ZFHX3: variants seen among roughly 807,000 people sequenced by gnomAD.
ZFHX3 encodes zinc finger homeobox 3, also known as zinc finger homeobox protein 3.
A neutral mutation model predicts 279.1 loss-of-function variants in ZFHX3; 42 were observed. The observed-to-expected ratio is 0.15, with a 90% CI of 0.12 to 0.19. The LOEUF is 0.19. ZFHX3 is among the 10% of genes least tolerant of loss of function. The pLI, the probability that ZFHX3 is intolerant of heterozygous loss-of-function variation, is 1.00. For missense variants in ZFHX3, 4,981 were observed against 4,754.0 expected, an observed-to-expected ratio of 1.05 and a Z score of -1.40; for synonymous variants, 2,293 against 1,957.8, an observed-to-expected ratio of 1.17 and a Z score of -4.52.
At chr16:73,711,544 C>A (rs35285696) in intron 1 of ZFHX3, among the ~76,000 whole-genome samples, 5,432 of 152,052 alleles carry the variant, frequency 0.036, 131 homozygotes, top group Non-Finnish European at 0.053. Context: ...GTGACAGAGC[C>A]AAGGGGTCAC....
intron 3 of ZFHX3, among the ~76,000 whole-genome samples, chr16:72,911,882 G>T (rs776167961): frequency 2.0e-5 from 3 of 152,132 alleles, no homozygotes; most frequent in Non-Finnish European, 2.9e-5. Flanking sequence ...GGGGGAGAGG[G>T]ATGCGGGAGA....
rs1370216790 is a variant in ZFHX3, at chr16:73,830,079, T to C, written c.-1608+61572A>G. Among the ~76,000 whole-genome samples, 24 of 128,806 alleles carry C rather than the reference T, an allele frequency of 1.9e-4. No individual in the cohort carries two copies. The East Asian group carries it at 3.5e-3, about 19-fold the overall frequency. 84.5% of individuals were successfully genotyped at this position (128,806 alleles called of 152,430 possible). A position where few individuals can be genotyped will look rare whatever the true frequency, so the allele number is the denominator to read the frequency against. On this transcript the variant is annotated intron_variant, in intron 1 of 17. Transcript: ENST00000641206. ...GAGATTCCGTGGGTGTAGGACCCTCTGAGCCAGGTGTGGGATATAGTCTCG... is the reference window on the plus strand; with the variant it reads ...GAGATTCCGTGGGTGTAGGACCCTCCGAGCCAGGTGTGGGATATAGTCTCG...
chr16:72,801,845 G>T (rs910679177), intron 7 of ZFHX3, among the ~76,000 whole-genome samples: 1 of 151,938 alleles, frequency 6.6e-6, no homozygotes, highest in Non-Finnish European at 1.5e-5. Context: ...TCCGAGAAGT[G>T]AAAGGTCACC....
At chr16:72,961,183 A>G (rs1327503706) in intron 1 of ZFHX3, among the ~76,000 whole-genome samples, 1 of 152,076 alleles carries the variant, frequency 6.6e-6, no homozygotes, top group Non-Finnish European at 1.5e-5. Flanking sequence ...TTTTGCTATC[A>G]AGGATCTGAG....
At chr16:73,255,139 G>T (rs376822536) in intron 5 of ZFHX3, among the ~76,000 whole-genome samples, 8 of 152,208 alleles carry the variant, frequency 5.3e-5, no homozygotes, top group East Asian at 3.8e-4. Flanking sequence ...TTTCCACATT[G>T]GCAGTAATTC....
intron 1 of ZFHX3, among the ~76,000 whole-genome samples, chr16:73,028,842 C>G (rs914103606): frequency 6.6e-6 from 1 of 152,224 alleles, no homozygotes; most frequent in African/African-American, 2.4e-5. Context: ...TAAAGTTCCT[C>G]TGTTGTGAGC....
At chr16:73,872,402 ATTAT>A (rs2029864466) in intron 1 of ZFHX3, among the ~76,000 whole-genome samples, 2 of 150,618 alleles carry the variant, frequency 1.3e-5, no homozygotes, top group East Asian at 2.0e-4. Flanking sequence ...ACTTATTATT[ATTAT>A]TTATTTCTAG....
intron 2 of ZFHX3, among the ~76,000 whole-genome samples, chr16:73,462,522 A>T (rs9931286): frequency 0.56 from 85,470 of 152,064 alleles, 29,529 homozygotes; most frequent in Non-Finnish European, 0.78. Context: ...TCAGTCTTTT[A>T]TCATTAAGTA....
In ZFHX3 at chr16:72,933,858, G is replaced by A. The variant is rs527795284; in HGVS notation, c.3216+16611C>T. ...TTTTGAGACAGAGTCTCGCTCTGTC[G>A]CCCAGGCTGTAGTGCAGTGTCGCGA... is the stretch of plus-strand genomic sequence containing the variant. On this transcript the variant is annotated intron_variant, in intron 3 of 9. Coordinates refer to ENST00000268489, the MANE Select transcript of ZFHX3 (RefSeq NM_006885.4). Among the ~76,000 whole-genome samples the A allele has an allele frequency of 6.4e-3, 832 of 130,888 alleles. 6 individuals carry two copies. Among genetic ancestry groups the A allele is most frequent in the Non-Finnish European group, 7.9e-3 (506 of 63,686 alleles). The allele number at this position is 130,888 out of a possible 152,430, so 85.9% of individuals were successfully genotyped here.
chr16:73,847,157 C>G lies in ZFHX3; in HGVS notation c.-1608+44494G>C, dbSNP rs144542183. 9.5e-3 allele frequency among the ~76,000 whole-genome samples: 1,452 copies of G among 152,180 alleles called. 6 individuals carry two copies. The highest frequency in any genetic ancestry group is 0.027 in the Middle Eastern group (8 of 294). On this transcript the variant is annotated intron_variant, in intron 1 of 17. Transcript: ENST00000641206. ...TCTCTACTAAAAATACAAAATTAGC[C>G]AGGCATGGAGGCGCAGGCCTGCAAT...
intron 6 of ZFHX3, among the ~76,000 whole-genome samples, chr16:73,138,592 A>G (rs1180721618): frequency 2.0e-5 from 3 of 152,150 alleles, no homozygotes; most frequent in Non-Finnish European, 2.9e-5. Flanking sequence ...TCCACTCCCC[A>G]TGGATGAGTG....
intron 2 of ZFHX3, among the ~76,000 whole-genome samples, chr16:73,516,894 T>C (rs750648330): frequency 6.6e-6 from 1 of 152,262 alleles, no homozygotes; most frequent in Non-Finnish European, 1.5e-5. Flanking sequence ...TGTCTAGTTA[T>C]ACATCAATGT....
rs977570842 is a variant in ZFHX3 at position 73,140,555 on chromosome 16, T to C, written c.-1024+3197A>G. On this transcript the variant is annotated intron_variant, in intron 6 of 17. Transcript: ENST00000641206. Reference sequence around the variant, plus strand: ...ACCTGACTAGGTCTCAACCTTTTCATACCTGAAACAAATGGGGAGGCCGGG... The same window carrying C: ...ACCTGACTAGGTCTCAACCTTTTCACACCTGAAACAAATGGGGAGGCCGGG... Among the ~76,000 whole-genome samples, 29 of 152,162 alleles carry C rather than the reference T, an allele frequency of 1.9e-4. 1 individual carries two copies. Among genetic ancestry groups the C allele is most frequent in the Admixed American group, 1.3e-3 (20 of 15,288 alleles).
intron 3 of ZFHX3, among the ~76,000 whole-genome samples, chr16:73,382,893 G>T (rs1381610541): frequency 6.6e-6 from 1 of 152,196 alleles, no homozygotes; most frequent in African/African-American, 2.4e-5. Context: ...CCACACCTCA[G>T]TGCTGTTGCC....
In ZFHX3 at chr16:73,398,104, C is replaced by T. The variant is rs2017168034; in HGVS notation, c.-1291+57899G>A. ...AGGTGATCCACCCACCTAGGCCTCC[C>T]ATAGTGCTGGGATTACAGGCGTGAG... On this transcript the variant is annotated intron_variant, in intron 3 of 17. Transcript: ENST00000641206. 1.3e-5 allele frequency among the ~76,000 whole-genome samples: 2 copies of T among 152,182 alleles called. 1 individual carries two copies. The highest frequency in any genetic ancestry group is 1.3e-4 in the Admixed American group (2 of 15,286).
At chr16:73,389,724 A>G (rs538995338) in intron 3 of ZFHX3, among the ~76,000 whole-genome samples, 2 of 152,310 alleles carry the variant, frequency 1.3e-5, no homozygotes, top group South Asian at 2.1e-4. Context: ...ACTGGTTCCC[A>G]TTCTGCCCTT....
intron 2 of ZFHX3, among the ~76,000 whole-genome samples, chr16:73,487,983 C>T (rs188380210): frequency 6.6e-6 from 1 of 152,164 alleles, no homozygotes; most frequent in African/African-American, 2.4e-5. Context: ...GCCCAGCCAA[C>T]ATGATGTGAT....
At chr16:73,167,534 T>G (rs955460313) in intron 5 of ZFHX3, among the ~76,000 whole-genome samples, 1 of 152,174 alleles carries the variant, frequency 6.6e-6, no homozygotes, top group Non-Finnish European at 1.5e-5. Flanking sequence ...TGTGCCAAGA[T>G]GCTGTGAAAT....
intron 5 of ZFHX3, among the ~76,000 whole-genome samples, chr16:73,215,892 CGTGT>C (rs2093694199): frequency 6.6e-6 from 1 of 151,624 alleles, no homozygotes; most frequent in African/African-American, 2.4e-5. Context: ...TGTGTGTGTG[CGTGT>C]GTATGTGTAT....
Sources: gnomAD v4.1 joint callset for allele counts (sites outside exome capture counted in the v4.1 genomes callset) on GRCh38, gnomAD v4.1.1 for gene constraint, MANE v1.5 for transcripts, NCBI Gene and HGNC (gene_info 2026-07-23, HGNC 2026-07-21) for gene names.